NOL4L: variants seen among roughly 807,000 people sequenced by gnomAD.
NOL4L encodes the protein nucleolar protein 4 like.
NOL4L carries 7 observed loss-of-function variants against 64.5 expected under a neutral mutation model. The ratio of observed to expected loss-of-function variants is 0.11; its 90% CI spans 0.06 to 0.20. NOL4L has a LOEUF of 0.20. NOL4L is among the 10% of genes least tolerant of loss of function. The pLI is 1.00. For synonymous variants in NOL4L, 413 were observed against 401.0 expected, an observed-to-expected ratio of 1.03 and a Z score of -0.36; for missense variants, 680 against 967.1, an observed-to-expected ratio of 0.70 and a Z score of 3.94.
chr20:32,531,423 G>A (rs1175905471), intron 1 of NOL4L, among the ~76,000 whole-genome samples: 1 of 151,140 alleles, frequency 6.6e-6, no homozygotes, highest in Non-Finnish European at 1.5e-5. Flanking sequence ...AGGCTGGAGT[G>A]CTCACTGCAA....
At chr20:32,535,910 G>C (rs2018506400) in intron 1 of NOL4L, 1 of 985,648 alleles carries the variant, frequency 1.0e-6, no homozygotes, top group Non-Finnish European at 1.2e-6. Flanking sequence ...GGACAGGCCA[G>C]GGTCTGGGCC....
intron 4 of NOL4L, among the ~76,000 whole-genome samples, chr20:32,496,412 A>G (rs895619036): frequency 6.6e-6 from 1 of 151,914 alleles, no homozygotes; most frequent in African/African-American, 2.4e-5. Flanking sequence ...CTTGTTTATC[A>G]TCTCCAGGCC....
chr20:32,485,845 T>C (rs1013688233), intron 4 of NOL4L: 2 of 451,376 alleles, frequency 4.4e-6, no homozygotes, highest in Non-Finnish European at 9.3e-6. Context: ...CTGGCCTGAA[T>C]TACTATTTCA....
chr20:32,488,841 T>TTC (rs1259199663), intron 4 of NOL4L, among the ~76,000 whole-genome samples: 2 of 84,106 alleles, frequency 2.4e-5, no homozygotes, highest in Non-Finnish European at 4.2e-5. Context: ...CTTTCTTTCT[T>TTC]TCTTTCTTTC....
chr20:32,454,553 C>T (rs1274045730), intron 6 of NOL4L, among the ~76,000 whole-genome samples: 1 of 152,252 alleles, frequency 6.6e-6, no homozygotes, highest in Non-Finnish European at 1.5e-5. Flanking sequence ...TCTTTTCCCC[C>T]ATGCCCCTCC....
At chr20:32,482,987 C>G (rs2015833028) in intron 4 of NOL4L, among the ~76,000 whole-genome samples, 1 of 151,574 alleles carries the variant, frequency 6.6e-6, no homozygotes, top group Admixed American at 6.6e-5. Context: ...CGCACAATCA[C>G]CGCCCCCCAG....
intron 1 of NOL4L, among the ~76,000 whole-genome samples, chr20:32,538,662 A>G (rs1419089126): frequency 2.0e-5 from 3 of 152,074 alleles, no homozygotes; most frequent in African/African-American, 7.2e-5. Flanking sequence ...GGGAGGGCCA[A>G]GGCCAGGCTG....
chr20:32,576,792 C>T (rs1275035821), intron 1 of NOL4L, among the ~76,000 whole-genome samples: 5 of 152,200 alleles, frequency 3.3e-5, no homozygotes, highest in African/African-American at 1.2e-4. Context: ...AGAGCATGGA[C>T]GAGAGGCAGC....
intron 1 of NOL4L, among the ~76,000 whole-genome samples, chr20:32,545,928 ATTCTTTTTTTTTCTTTCTT>A (rs889441111): frequency 6.7e-6 from 1 of 149,950 alleles, no homozygotes; most frequent in Non-Finnish European, 1.5e-5. Flanking sequence ...TTAGGTTGTA[ATTCTTTTTTTTTCTTTCTT>A]TTCTTTTTTT....
At chr20:32,506,987 C>T (rs2017164734) in intron 4 of NOL4L, among the ~76,000 whole-genome samples, 1 of 152,138 alleles carries the variant, frequency 6.6e-6, no homozygotes, top group South Asian at 2.1e-4. Flanking sequence ...ATTAGCTCTG[C>T]TCCAGGAACT....
At chr20:32,448,088 T>TCC (rs2012485212) in intron 10 of NOL4L, among the ~76,000 whole-genome samples, 1 of 152,184 alleles carries the variant, frequency 6.6e-6, no homozygotes, top group Admixed American at 6.5e-5. Context: ...AAGGAACTCC[T>TCC]AAGATCTGCC....
chr20:32,570,431 T>C (rs1342920208), intron 1 of NOL4L, among the ~76,000 whole-genome samples: 1 of 152,156 alleles, frequency 6.6e-6, no homozygotes, highest in African/African-American at 2.4e-5. Context: ...CCAAGAATGG[T>C]ACCCCAAAGG....
At chr20:32,520,675 G>A (rs1450256918) in intron 3 of NOL4L, 136 bp downstream of exon 3, 2 of 528,172 alleles carry the variant, frequency 3.8e-6, no homozygotes, top group Non-Finnish European at 6.8e-6. Context: ...GCAGCACCAC[G>A]GACCCATACT....
At chr20:32,489,898 G>T (rs535291996) in intron 4 of NOL4L, among the ~76,000 whole-genome samples, 1 of 152,124 alleles carries the variant, frequency 6.6e-6, no homozygotes, top group South Asian at 2.1e-4. Flanking sequence ...CGAAGCCGAG[G>T]TGGGCAGATC....
At chr20:32,576,573 T>C (rs749000886) in intron 1 of NOL4L, among the ~76,000 whole-genome samples, 33 of 152,278 alleles carry the variant, frequency 2.2e-4, no homozygotes, top group Non-Finnish European at 4.4e-4. Flanking sequence ...TTCCCTCCAC[T>C]CTGCCTTAGT....
chr20:32,447,956 C>T (rs748767627), intron 10 of NOL4L, 140 bp from the exon 11 acceptor site: 32 of 1,139,012 alleles, frequency 2.8e-5, no homozygotes, highest in Non-Finnish European at 3.6e-5. Flanking sequence ...TCTGGTCCAT[C>T]TCCCTGATGG....
rs191457422 is a variant in NOL4L, at chr20:32,451,772, G to A, written c.1822+464C>T. 3.7e-3 allele frequency: 562 copies of A among 153,368 alleles called. 1 individual carries two copies. The highest frequency in any genetic ancestry group is 5.4e-3 in the Non-Finnish European group (368 of 68,752). The allele number at this position is 153,368 out of a possible 1,614,324, so 9.5% of individuals were successfully genotyped here. ...TGAGCTGAGGCCTGGGGAGGGAGCC[G>A]CCCTGCAGGCCAGCGGGGCCACAGC... On this transcript the variant is annotated intron_variant, in intron 10 of 10. Transcript: ENST00000621426.
intron 4 of NOL4L, among the ~76,000 whole-genome samples, chr20:32,503,432 T>C (rs875519): frequency 0.34 from 52,348 of 151,970 alleles, 10,205 homozygotes; most frequent in East Asian, 0.83. Flanking sequence ...GGGTAGAAGC[T>C]CGGGAGGCTG....
At position 32,464,675 on chromosome 20, in the gene NOL4L, A is replaced by G. The variant is rs1030925160; in HGVS notation, c.842-8280T>C. The G allele has an allele frequency of 9.1e-6, 2 of 219,380 alleles. No homozygotes were observed. The highest frequency in any genetic ancestry group is 4.5e-5 in the African/African-American group (2 of 44,286). The allele number at this position is 219,380 out of a possible 1,614,324, so 13.6% of individuals were successfully genotyped here. Reference sequence around the variant, plus strand: ...TAGGCAGGTGCCAATTTAGGCCCTCACAGTCGGGAGCAGCACTGTCCGACA... The same window carrying G: ...TAGGCAGGTGCCAATTTAGGCCCTCGCAGTCGGGAGCAGCACTGTCCGACA... On this transcript the variant is annotated intron_variant, in intron 5 of 10. Transcript: ENST00000621426. The surrounding 1 kb of genome is among the most constrained non-coding windows in gnomAD (Gnocchi z 5.6).
Sources: allele counts gnomAD v4.1 joint callset (sites outside exome capture counted in the v4.1 genomes callset), GRCh38; gene constraint gnomAD v4.1.1; non-coding constraint Gnocchi (gnomAD v3.1); transcripts MANE v1.5; gene names NCBI Gene and HGNC (gene_info 2026-07-23, HGNC 2026-07-21).